The following GLI3 variants were observed in gnomAD, a reference collection of about 807,000 sequenced individuals.
The protein encoded by GLI3 is transcription activator GLI3.
A neutral mutation model predicts 100.8 loss-of-function variants in GLI3; 20 were observed. That is an observed-to-expected ratio of 0.20 (90% confidence interval 0.14 to 0.29). The LOEUF is 0.29. GLI3 is among the 10% of genes least tolerant of loss of function. The probability of loss-of-function intolerance (pLI) is 1.00; values close to 1 mark genes in which losing one functional copy is unlikely to be tolerated. For synonymous variants in GLI3, 938 were observed against 860.5 expected (o/e 1.09, Z -1.58); for missense variants, 2,040 against 2,128.5 (o/e 0.96, Z 0.82).
chr7:42,216,253 G>A (rs1788374921), intron 2 of GLI3, among the ~76,000 whole-genome samples: 3 of 152,168 alleles, frequency 2.0e-5, no homozygotes, highest in Admixed American at 2.0e-4. Flanking sequence ...CAAACACACT[G>A]AATGTGAGCA....
At position 42,043,201 on chromosome 7, in the gene GLI3, C is replaced by T. The variant is rs578188235; in HGVS notation, c.826+2183G>A. 3.0e-4 allele frequency among the ~76,000 whole-genome samples: 45 copies of T among 152,276 alleles called. No individual in the cohort carries two copies. In the East Asian group the frequency reaches 6.4e-3, roughly 22 times the overall value. The stretch of plus-strand genomic sequence containing the variant: ...TTCGCTTCTTTGTTGGAAAAAATCT[C>T]CTATGGTGGAAATTTCTGGGCAATC... On this transcript the variant is annotated intron_variant, in intron 6 of 14. Transcript: ENST00000395925.
chr7:42,173,028 G>C (rs1364374851), intron 2 of GLI3, among the ~76,000 whole-genome samples: 1 of 152,186 alleles, frequency 6.6e-6, no homozygotes, highest in African/African-American at 2.4e-5. Context: ...CTGCAGGGTA[G>C]CCCACTGAGC....
chr7:42,217,321 TAAAG>T (rs1393365449), intron 2 of GLI3, among the ~76,000 whole-genome samples: 1 of 152,090 alleles, frequency 6.6e-6, no homozygotes, highest in African/African-American at 2.4e-5. Context: ...TTAGCCAAAA[TAAAG>T]AACACAGTGG....
rs939378548 is a variant in GLI3, at chr7:41,988,158, G to A, written c.1498-9410C>T. On this transcript the variant is annotated intron_variant, in intron 10 of 14. Transcript: ENST00000395925. Reference sequence around the variant, plus strand: ...TGTTGAAACTTAATCACCAGTGTGGGTGTATTAAGAGATGGGGCCTTGGCC... The same window carrying A: ...TGTTGAAACTTAATCACCAGTGTGGATGTATTAAGAGATGGGGCCTTGGCC... 2.6e-5 allele frequency among the ~76,000 whole-genome samples: 4 copies of A among 152,212 alleles called. No individual in the cohort carries two copies. The South Asian group carries it at 8.3e-4, about 32-fold the overall frequency.
intron 10 of GLI3, among the ~76,000 whole-genome samples, chr7:42,002,854 C>T (rs1788344607): frequency 6.6e-6 from 1 of 152,166 alleles, no homozygotes; most frequent in Non-Finnish European, 1.5e-5. Context: ...GACTTGTTTC[C>T]ATCATCTGGA....
At chr7:42,219,248 A>G (rs1788435835) in intron 2 of GLI3, among the ~76,000 whole-genome samples, 1 of 152,248 alleles carries the variant, frequency 6.6e-6, no homozygotes, top group African/African-American at 2.4e-5. Context: ...TAAATAATTC[A>G]GAAAACTAAA....
intron 5 of GLI3, among the ~76,000 whole-genome samples, chr7:42,046,456 G>C (rs982437936): frequency 1.3e-5 from 2 of 152,110 alleles, no homozygotes; most frequent in African/African-American, 4.8e-5. Context: ...GGTAAAGATA[G>C]AGATTTAAGG....
intron 2 of GLI3, among the ~76,000 whole-genome samples, chr7:42,192,160 T>C (rs1787840867): frequency 6.6e-6 from 1 of 152,174 alleles, no homozygotes; most frequent in Admixed American, 6.5e-5. Context: ...TCGCAATCTA[T>C]AGAGATAGCA....
At chr7:42,000,487 T>A (rs565167876) in intron 10 of GLI3, among the ~76,000 whole-genome samples, 1 of 152,262 alleles carries the variant, frequency 6.6e-6, no homozygotes, top group South Asian at 2.1e-4. Flanking sequence ...GCCCCCACAG[T>A]CATAGGAGGT....
chr7:42,037,046 C>A (rs1196148320), intron 7 of GLI3, among the ~76,000 whole-genome samples: 4 of 152,070 alleles, frequency 2.6e-5, no homozygotes, highest in Admixed American at 2.6e-4. Context: ...GAGGCTGAGG[C>A]AGAAGAATCG....
intron 6 of GLI3, among the ~76,000 whole-genome samples, chr7:42,044,022 T>G (rs1042158532): frequency 2.0e-5 from 3 of 152,146 alleles, no homozygotes; most frequent in African/African-American, 7.2e-5. Context: ...AGCTTCCCAG[T>G]GGAAACCAAC....
chr7:41,966,391 G>A lies in GLI3; in HGVS notation c.2682C>T (p.Ser894=). ...AGGCGTCGGTGGAGATGGGGTCGTA[G>A]GAGTCGGCCACGCTCACGTTCTGCG... ...GRPQNVSVAD[S]YDPISTDASR... is the part of the protein sequence containing the mutation. Residue 894 remains serine, a synonymous_variant, in exon 15 of 15, where the codon TCC becomes TCT. Transcript: ENST00000395925. The surrounding 1 kb of genome is among the most constrained non-coding windows in gnomAD (Gnocchi z 5.8). The A allele has an allele frequency of 6.2e-7, 1 of 1,610,546 alleles. No homozygotes were observed. Among genetic ancestry groups the A allele is most frequent in the Non-Finnish European group, 8.5e-7 (1 of 1,179,416 alleles).
At chr7:42,182,813 C>A (rs1261090985) in intron 2 of GLI3, among the ~76,000 whole-genome samples, 2 of 151,342 alleles carry the variant, frequency 1.3e-5, no homozygotes, top group African/African-American at 4.9e-5. Context: ...TGGCTCATGC[C>A]TGTAATCCCA....
intron 2 of GLI3, among the ~76,000 whole-genome samples, chr7:42,209,141 A>G (rs897696664): frequency 2.0e-5 from 3 of 152,000 alleles, no homozygotes; most frequent in Admixed American, 6.6e-5. Flanking sequence ...TGCAGCCTTG[A>G]TCTCCTGGTT....
In GLI3 at chr7:42,045,390, T is replaced by C. The variant is rs769606884; in HGVS notation, c.820A>G (p.Met274Val). ...AACCAGCCCCGTCACTTACTATCCA[T>C]AGCATGAAGATATTCCATGTGGATG... ...GAIHMEYLHA[M>V]DSTRFSSPRL... is the part of the protein sequence containing the mutation. Residue 274 changes from methionine (M) to valine (V), a missense_variant, in exon 6 of 15, where the codon ATG (methionine) becomes GTG (valine). Around this residue, in one of 5 missense-constraint regions of GLI3, gnomAD observed 603 missense variants for 690.9 expected, o/e 0.87. Coordinates refer to ENST00000395925, the MANE Select transcript of GLI3 (RefSeq NM_000168.6). 5.0e-6 allele frequency: 8 copies of C among 1,613,610 alleles called. No individual in the cohort carries two copies. Among genetic ancestry groups the C allele is most frequent in the South Asian group, 4.4e-5 (4 of 91,086 alleles).
intron 2 of GLI3, among the ~76,000 whole-genome samples, chr7:42,201,432 A>G (rs1482529969): frequency 6.6e-6 from 1 of 152,192 alleles, no homozygotes; most frequent in Non-Finnish European, 1.5e-5. Context: ...ACTTTATTCC[A>G]AGACCCAAAG....
chr7:42,117,022 C>T (rs1441162041), intron 3 of GLI3, among the ~76,000 whole-genome samples: 1 of 152,238 alleles, frequency 6.6e-6, no homozygotes, highest in Non-Finnish European at 1.5e-5. Context: ...GCCAAGGCTA[C>T]AACATGCTGG....
At chr7:42,191,335 C>G (rs1324905781) in intron 2 of GLI3, among the ~76,000 whole-genome samples, 1 of 152,082 alleles carries the variant, frequency 6.6e-6, no homozygotes, top group Admixed American at 6.5e-5. Flanking sequence ...AATAGCCGGC[C>G]GTGGTGGCTC....
intron 3 of GLI3, among the ~76,000 whole-genome samples, chr7:42,084,875 T>C (rs962782903): frequency 6.7e-6 from 1 of 150,048 alleles, no homozygotes; most frequent in Non-Finnish European, 1.5e-5. Flanking sequence ...GTCACAGTTA[T>C]AGCTCTAAAA....
Sources: gnomAD v4.1 joint callset for allele counts (sites outside exome capture counted in the v4.1 genomes callset) on GRCh38, gnomAD v4.1.1 for gene constraint, gnomAD v4.1.1 regional missense constraint, Gnocchi (gnomAD v3.1) non-coding constraint, MANE v1.5 for transcripts, NCBI Gene and HGNC (gene_info 2026-07-23, HGNC 2026-07-21) for gene names.